The following PDE4B variants were observed in gnomAD, a reference collection of about 807,000 sequenced individuals.
The protein encoded by PDE4B is phosphodiesterase 4B, also known as 3',5'-cyclic-AMP phosphodiesterase 4B.
Under a neutral mutation model 82.2 loss-of-function variants are expected in PDE4B, and 20 were observed. That is an observed-to-expected ratio of 0.24 (90% CI 0.17 to 0.35). PDE4B has a LOEUF of 0.35. Among genes scored for constraint, PDE4B ranks in the 10% least tolerant of loss-of-function variants. The pLI, the probability that PDE4B is intolerant of heterozygous loss-of-function variation, is 1.00. For missense variants in PDE4B, 655 were observed against 907.2 expected, an observed-to-expected ratio of 0.72 and a Z score of 3.57; for synonymous variants, 320 against 318.9, an observed-to-expected ratio of 1.00 and a Z score of -0.04.
intron 3 of PDE4B, among the ~76,000 whole-genome samples, chr1:66,206,124 G>A (rs1044214398): frequency 3.3e-5 from 5 of 152,200 alleles, no homozygotes; most frequent in African/African-American, 1.2e-4. Context: ...CTCAGAACCT[G>A]TACTGCTCCT....
intron 4 of PDE4B, among the ~76,000 whole-genome samples, chr1:66,254,083 T>C (rs1653999409): frequency 6.6e-6 from 1 of 152,210 alleles, no homozygotes; most frequent in Admixed American, 6.5e-5. Context: ...TTTTATTAGA[T>C]ACTAGACTCT....
chr1:66,153,430 A>G (rs1329411012), intron 3 of PDE4B, among the ~76,000 whole-genome samples: 2 of 152,168 alleles, frequency 1.3e-5, no homozygotes, highest in African/African-American at 4.8e-5. Context: ...AAATGTATTC[A>G]TGGCAACCAT....
intron 1 of PDE4B, among the ~76,000 whole-genome samples, chr1:65,903,642 T>G (rs1163880500): frequency 6.6e-6 from 1 of 152,216 alleles, no homozygotes; most frequent in East Asian, 1.9e-4. Flanking sequence ...TTTCTAAATA[T>G]GAAGACACTT....
At chr1:66,310,313 T>A (rs983374062) in intron 7 of PDE4B, among the ~76,000 whole-genome samples, 1 of 152,200 alleles carries the variant, frequency 6.6e-6, no homozygotes, top group Non-Finnish European at 1.5e-5. Context: ...AAGCCGGGAC[T>A]ATAACTCAAA....
intron 3 of PDE4B, chr1:65,992,770 C>A: frequency 7.1e-7 from 1 of 1,415,604 alleles, no homozygotes; most frequent in Non-Finnish European, 9.2e-7. Context: ...CTAAGACGCT[C>A]ATACATTGGA....
At chr1:66,029,162 G>A (rs1410245033) in intron 3 of PDE4B, among the ~76,000 whole-genome samples, 1 of 152,162 alleles carries the variant, frequency 6.6e-6, no homozygotes, top group Non-Finnish European at 1.5e-5. Context: ...GAGGTGAAAG[G>A]CACTTCTTAC....
At chr1:65,867,140 T>G (rs1346758476) in intron 1 of PDE4B, among the ~76,000 whole-genome samples, 3 of 152,202 alleles carry the variant, frequency 2.0e-5, no homozygotes, top group Non-Finnish European at 4.4e-5. Flanking sequence ...TACATTATAG[T>G]ATTCTCTTTA....
At chr1:66,045,667 G>T (rs1388951574) in intron 3 of PDE4B, among the ~76,000 whole-genome samples, 2 of 151,726 alleles carry the variant, frequency 1.3e-5, no homozygotes, top group South Asian at 2.1e-4. Context: ...ATGTTAAAGT[G>T]GGGGGCAGGG....
At chr1:66,046,517 A>G (rs1654723709) in intron 3 of PDE4B, among the ~76,000 whole-genome samples, 1 of 151,860 alleles carries the variant, frequency 6.6e-6, no homozygotes. Context: ...GATAGAGATG[A>G]AATCAGAATT....
intron 16 of PDE4B, among the ~76,000 whole-genome samples, chr1:66,371,133 T>TATAA (rs1223854748): frequency 7.1e-5 from 9 of 127,090 alleles, no homozygotes; most frequent in East Asian, 2.2e-4. Context: ...TATATATATA[T>TATAA]AATTTTATTT....
intron 3 of PDE4B, among the ~76,000 whole-genome samples, chr1:66,154,851 G>A (rs1179668369): frequency 6.6e-6 from 1 of 152,136 alleles, no homozygotes; most frequent in East Asian, 1.9e-4. Flanking sequence ...GTTGCAGAAT[G>A]CAGACCTGCA....
At chr1:65,992,337 C>T (rs1285323594) in intron 3 of PDE4B, 2 of 152,184 alleles carry the variant, frequency 1.3e-5, no homozygotes, top group Non-Finnish European at 2.9e-5. Context: ...TTTAAATAAT[C>T]CTGGGCCAAT....
intron 7 of PDE4B, among the ~76,000 whole-genome samples, chr1:66,326,994 A>G (rs1318525296): frequency 6.6e-6 from 1 of 152,212 alleles, no homozygotes; most frequent in Non-Finnish European, 1.5e-5. Flanking sequence ...TTGCAGGGCC[A>G]GCTTTTAGGG....
chr1:66,114,055 G>T (rs1212943613), intron 3 of PDE4B, among the ~76,000 whole-genome samples: 1 of 152,176 alleles, frequency 6.6e-6, no homozygotes, highest in East Asian at 1.9e-4. Context: ...CCTTTGGGAA[G>T]TTATTAGATC....
intron 3 of PDE4B, among the ~76,000 whole-genome samples, chr1:66,096,537 T>TATAC (rs1645124296): frequency 6.9e-6 from 1 of 144,202 alleles, no homozygotes; most frequent in Non-Finnish European, 1.5e-5. Flanking sequence ...TATATATATA[T>TATAC]ATATACTGCA....
chr1:66,307,559 G>A (rs942435103), intron 7 of PDE4B, among the ~76,000 whole-genome samples: 1 of 152,148 alleles, frequency 6.6e-6, no homozygotes, highest in African/African-American at 2.4e-5. Context: ...ATAGAAGTGG[G>A]AATGGGAATT....
At chr1:66,123,153 T>G (rs1435319791) in intron 3 of PDE4B, among the ~76,000 whole-genome samples, 1 of 152,218 alleles carries the variant, frequency 6.6e-6, no homozygotes, top group Non-Finnish European at 1.5e-5. Flanking sequence ...TTACTTGAAA[T>G]AGGTAGGCCC....
In PDE4B at chr1:65,977,155, T is replaced by C. The variant is rs752204495; in HGVS notation, c.281+58320T>C. 5.3e-5 allele frequency among the ~76,000 whole-genome samples: 8 copies of C among 152,296 alleles called. No homozygotes were observed. The East Asian group carries it at 1.4e-3, about 26-fold the overall frequency. ...ATGCTAGAATTCCTTGATTATCAAC[T>C]CTGAAAACATGGCAGAATGCAGTGG... On this transcript the variant is annotated intron_variant, in intron 3 of 16. Coordinates refer to ENST00000341517, the MANE Select transcript of PDE4B (RefSeq NM_002600.4).
intron 3 of PDE4B, among the ~76,000 whole-genome samples, chr1:66,073,750 T>C (rs188311904): frequency 1.5e-3 from 233 of 152,280 alleles, no homozygotes; most frequent in Middle Eastern, 3.4e-3. Flanking sequence ...TGGAAATTCT[T>C]CTCTGGCACC....
Sources: gnomAD v4.1 joint callset for allele counts (sites outside exome capture counted in the v4.1 genomes callset) on GRCh38, gnomAD v4.1.1 for gene constraint, MANE v1.5 for transcripts, NCBI Gene and HGNC (gene_info 2026-07-23, HGNC 2026-07-21) for gene names.